ATXN1: variants seen among roughly 807,000 people sequenced by gnomAD.
ATXN1 encodes ataxin-1.
A neutral mutation model predicts 56.4 loss-of-function variants in ATXN1; 8 were observed. The observed-to-expected ratio is 0.14, with a 90% CI of 0.08 to 0.26. The LOEUF is 0.26. Ranked by LOEUF, ATXN1 falls within the 10% of genes least tolerant of loss-of-function variation. The pLI is 1.00. For synonymous variants in ATXN1, 514 were observed against 494.6 expected, an observed-to-expected ratio of 1.04 and a Z score of -0.52; for missense variants, 987 against 1,106.5, an observed-to-expected ratio of 0.89 and a Z score of 1.53.
intron 4 of ATXN1, among the ~76,000 whole-genome samples, chr6:16,542,866 A>C (rs1468767969): frequency 6.6e-6 from 1 of 152,250 alleles, no homozygotes; most frequent in Non-Finnish European, 1.5e-5. Context: ...TAGAACAATC[A>C]TAACATTATA....
intron 4 of ATXN1, among the ~76,000 whole-genome samples, chr6:16,545,266 T>C (rs1283677649): frequency 6.6e-6 from 1 of 152,204 alleles, no homozygotes; most frequent in Non-Finnish European, 1.5e-5. Context: ...TAATAGGAGA[T>C]GAATGAATTC....
chr6:16,757,482 C>G (rs962729093), intron 1 of ATXN1, among the ~76,000 whole-genome samples: 23 of 152,164 alleles, frequency 1.5e-4, no homozygotes, highest in Admixed American at 1.1e-3. Flanking sequence ...AGTTGAGTAG[C>G]TAGAAGAAAT....
chr6:16,558,210 G>T (rs1196362652), intron 4 of ATXN1, among the ~76,000 whole-genome samples: 9 of 151,298 alleles, frequency 5.9e-5, no homozygotes, highest in Admixed American at 4.6e-4. Context: ...GCTAAGGCAG[G>T]AGGCTGCTTG....
chr6:16,515,670 C>T (rs1470595084), intron 5 of ATXN1, among the ~76,000 whole-genome samples: 2 of 152,168 alleles, frequency 1.3e-5, no homozygotes, highest in African/African-American at 4.8e-5. Flanking sequence ...CGGAGCTTCC[C>T]ACTTACTTTA....
chr6:16,668,790 T>C (rs1758482083), intron 2 of ATXN1, among the ~76,000 whole-genome samples: 1 of 150,842 alleles, frequency 6.6e-6, no homozygotes, highest in Admixed American at 6.6e-5. Flanking sequence ...TATTTTATTT[T>C]TTATTTTATT....
chr6:16,552,253 C>A (rs1761934879), intron 4 of ATXN1, among the ~76,000 whole-genome samples: 1 of 152,228 alleles, frequency 6.6e-6, no homozygotes, highest in Admixed American at 6.5e-5. Flanking sequence ...CCAACTCACA[C>A]TTGTCTTTCT....
intron 3 of ATXN1, among the ~76,000 whole-genome samples, chr6:16,636,516 T>G (rs1159252094): frequency 6.6e-6 from 1 of 152,220 alleles, no homozygotes. Context: ...CCCCACTTTG[T>G]GGTCACCCTG....
chr6:16,511,911 AC>A (rs1270693920), intron 5 of ATXN1, among the ~76,000 whole-genome samples: 2 of 152,234 alleles, frequency 1.3e-5, no homozygotes, highest in Non-Finnish European at 2.9e-5. Flanking sequence ...TGTCTTTGCC[AC>A]GAGGTGGCCT....
intron 6 of ATXN1, among the ~76,000 whole-genome samples, chr6:16,405,266 G>A (rs576099613): frequency 3.3e-5 from 5 of 152,316 alleles, no homozygotes; most frequent in South Asian, 2.1e-4. Context: ...AAGGAGCAGC[G>A]CATCTATATC....
chr6:16,642,989 T>A (rs1763733677), intron 3 of ATXN1, among the ~76,000 whole-genome samples: 1 of 152,076 alleles, frequency 6.6e-6, no homozygotes, highest in Non-Finnish European at 1.5e-5. Flanking sequence ...TCTCTGAGTG[T>A]CCAGGCACAG....
chr6:16,629,785 T>C (rs1038592779), intron 3 of ATXN1, among the ~76,000 whole-genome samples: 1 of 151,360 alleles, frequency 6.6e-6, no homozygotes, highest in Non-Finnish European at 1.5e-5. Flanking sequence ...GACGTGGTGG[T>C]GTGCGCCTGT....
chr6:16,500,484 C>T (rs943766996), intron 5 of ATXN1, among the ~76,000 whole-genome samples: 11 of 152,132 alleles, frequency 7.2e-5, no homozygotes, highest in Non-Finnish European at 1.0e-4. Flanking sequence ...GATAACAACT[C>T]GCTGAAGAGA....
intron 2 of ATXN1, among the ~76,000 whole-genome samples, chr6:16,680,463 G>A (rs571180911): frequency 4.6e-5 from 7 of 152,038 alleles, no homozygotes; most frequent in Admixed American, 3.3e-4. Context: ...ACATTCCTCC[G>A]GGAGGATTAA....
intron 7 of ATXN1, among the ~76,000 whole-genome samples, chr6:16,318,368 A>C (rs1232929405): frequency 6.6e-6 from 1 of 152,174 alleles, no homozygotes; most frequent in Non-Finnish European, 1.5e-5. Context: ...GAAATTATTA[A>C]ATTGGGCATT....
intron 2 of ATXN1, among the ~76,000 whole-genome samples, chr6:16,741,526 A>G (rs1760338967): frequency 6.6e-6 from 1 of 152,212 alleles, no homozygotes; most frequent in South Asian, 2.1e-4. Context: ...GCAAAAAGTT[A>G]AATTAAGTGC....
chr6:16,512,240 A>C (rs1761097722), intron 5 of ATXN1, among the ~76,000 whole-genome samples: 1 of 152,202 alleles, frequency 6.6e-6, no homozygotes, highest in South Asian at 2.1e-4. Context: ...CTTCCTCAGA[A>C]AGCACCATTT....
At chr6:16,413,671 C>A (rs750305722) in intron 6 of ATXN1, among the ~76,000 whole-genome samples, 49 of 152,192 alleles carry the variant, frequency 3.2e-4, no homozygotes, top group Non-Finnish European at 5.9e-4. Context: ...CCTGAAAGCA[C>A]TGCATGTTAA....
At chr6:16,401,017 T>C (rs1758558769) in intron 6 of ATXN1, among the ~76,000 whole-genome samples, 1 of 152,250 alleles carries the variant, frequency 6.6e-6, no homozygotes, top group Non-Finnish European at 1.5e-5. Flanking sequence ...GATGTTAAAA[T>C]ATCCCTTCCT....
In ATXN1 at chr6:16,739,996, G is replaced by A. The variant is rs1760275579; in HGVS notation, c.-615+13237C>T. ...CAGGCTGTATCTCCTTGACTCCTGG[G>A]GGAAAAGCTGTAAAGAGATTGAGGA... On this transcript the variant is annotated intron_variant, in intron 2 of 7. Transcript: ENST00000436367. The A allele has an allele frequency of 9.5e-6, 4 of 419,170 alleles. No individual in the cohort carries two copies. In the Admixed American group the frequency reaches 9.9e-5, roughly 10 times the overall value. 26.0% of individuals were successfully genotyped at this position (419,170 alleles called of 1,614,324 possible).
Sources: gnomAD v4.1 joint callset for allele counts (sites outside exome capture counted in the v4.1 genomes callset) on GRCh38, gnomAD v4.1.1 for gene constraint, MANE v1.5 for transcripts, NCBI Gene and HGNC (gene_info 2026-07-23, HGNC 2026-07-21) for gene names.